Variants in NSG1 observed in about 807,000 individuals in gnomAD.
NSG1 encodes the protein neuronal vesicle trafficking associated 1.
A neutral mutation model predicts 19.3 loss-of-function variants in NSG1; 9 were observed. That is an observed-to-expected ratio of 0.47 (90% CI 0.28 to 0.81). The LOEUF (loss-of-function observed/expected upper bound fraction) is 0.81. Among genes scored for constraint, NSG1 ranks in the 40% least tolerant of loss-of-function variants. The pLI is 0.11. For synonymous variants in NSG1, 104 were observed against 107.0 expected, an observed-to-expected ratio of 0.97 and a Z score of 0.17; for missense variants, 236 against 242.4, an observed-to-expected ratio of 0.97 and a Z score of 0.18.
chr4:4,405,321 C>T (rs1199478162), intron 3 of NSG1, among the ~76,000 whole-genome samples: 1 of 152,204 alleles, frequency 6.6e-6, no homozygotes, highest in Non-Finnish European at 1.5e-5. Context: ...TTAGGGCCCA[C>T]CCTGATGGGC....
chr4:4,407,975 G>A (rs949212427), intron 3 of NSG1, among the ~76,000 whole-genome samples: 12 of 152,230 alleles, frequency 7.9e-5, no homozygotes, highest in East Asian at 1.9e-4. Flanking sequence ...GTGGCCGCCC[G>A]TCTCCCAGGT....
chr4:4,396,627 CTG>C (rs1560140867), intron 3 of NSG1, among the ~76,000 whole-genome samples: 1 of 152,172 alleles, frequency 6.6e-6, no homozygotes, highest in Non-Finnish European at 1.5e-5. Context: ...GCAGAGGACT[CTG>C]TGGGTGGTTT....
intron 2 of NSG1, among the ~76,000 whole-genome samples, chr4:4,389,564 G>A (rs1173494032): frequency 6.6e-6 from 1 of 152,144 alleles, no homozygotes; most frequent in African/African-American, 2.4e-5. Flanking sequence ...AGAAGTTTCT[G>A]GCAGTGCCTC....
At chr4:4,396,618 C>T (rs1052985184) in intron 3 of NSG1, among the ~76,000 whole-genome samples, 2 of 152,186 alleles carry the variant, frequency 1.3e-5, no homozygotes, top group African/African-American at 4.8e-5. Context: ...CATCCTGTCG[C>T]AGAGGACTCT....
rs142572077 is a variant in NSG1 at position 4,391,212 on chromosome 4, G to A, written c.130-263G>A. On this transcript the variant is annotated intron_variant, in intron 2 of 4. Coordinates refer to ENST00000621129, the MANE Select transcript of NSG1 (RefSeq NM_014392.5). ...ATCCCCGCCCTGCCGCCTATAAACC[G>A]CATGACCTTGGCCAATGAGCTTAAC... 5.7e-4 allele frequency among the ~76,000 whole-genome samples: 87 copies of A among 152,298 alleles called. No individual in the cohort carries two copies. In the East Asian group the frequency reaches 0.015, roughly 26 times the overall value.
chr4:4,401,418 C>T (rs759352460), intron 3 of NSG1, among the ~76,000 whole-genome samples: 50 of 152,118 alleles, frequency 3.3e-4, no homozygotes, highest in Non-Finnish European at 3.7e-4. Flanking sequence ...GCAGGGTGTG[C>T]GATGCTGCAG....
At chr4:4,389,931 A>G (rs562077922) in intron 2 of NSG1, among the ~76,000 whole-genome samples, 1 of 152,280 alleles carries the variant, frequency 6.6e-6, no homozygotes, top group East Asian at 1.9e-4. Context: ...GGTCACTACC[A>G]TGTTACCCCC....
At chr4:4,415,734 G>A (rs1724494710) in intron 4 of NSG1, 1 of 204,860 alleles carries the variant, frequency 4.9e-6, no homozygotes, top group South Asian at 7.8e-5. Flanking sequence ...CACTCCACAG[G>A]TGTTGGCCGC....
At chr4:4,410,539 C>T (rs1017719505) in intron 4 of NSG1, among the ~76,000 whole-genome samples, 1 of 152,198 alleles carries the variant, frequency 6.6e-6, no homozygotes, top group Non-Finnish European at 1.5e-5. Context: ...CAGCATGTTG[C>T]TATACTGAAC....
intron 4 of NSG1, among the ~76,000 whole-genome samples, chr4:4,412,338 G>A (rs971042945): frequency 1.3e-5 from 2 of 151,390 alleles, no homozygotes; most frequent in Non-Finnish European, 2.9e-5. Flanking sequence ...TGAGACTGGC[G>A]GCCACAATGG....
At chr4:4,409,175 T>A (rs533558149) in intron 3 of NSG1, among the ~76,000 whole-genome samples, 19 of 152,330 alleles carry the variant, frequency 1.2e-4, no homozygotes, top group Admixed American at 1.0e-3. Context: ...GCTGAGCGGA[T>A]GCTTGGCTGG....
Position 4,418,759 on chromosome 4 carries a change from A to C in NSG1, c.*1324A>C, listed in dbSNP as rs1185424093. On this transcript the variant is annotated 3_prime_UTR_variant, in exon 5 of 5. Transcript: ENST00000621129. ...TTGTTTCCTGAAATGTGCTTCTAAG[A>C]CAGAAAATGTATTTTCTCATCAAGG... 1 of 152,770 alleles carries C rather than the reference A, an allele frequency of 6.5e-6. No individual in the cohort carries two copies. The highest frequency in any genetic ancestry group is 1.9e-4 in the East Asian group (1 of 5,180). 9.5% of individuals were successfully genotyped at this position (152,770 alleles called of 1,614,324 possible).
chr4:4,387,544 TC>T (rs933357868), intron 1 of NSG1, 59 bp from the exon 2 acceptor site: 73 of 521,234 alleles, frequency 1.4e-4, no homozygotes, highest in Middle Eastern at 5.7e-4. Context: ...GGTGCCCACT[TC>T]CCCCCCGCCC....
chr4:4,418,503 T>C lies in NSG1; in HGVS notation c.*1068T>C, dbSNP rs1005775989. ...TCAACTCACAATCTTTGTAAGAAAA[T>C]TGTTCCAGTTTGAATCTTGATATTA... On this transcript the variant is annotated 3_prime_UTR_variant, in exon 5 of 5. Transcript: ENST00000621129. 1.3e-5 allele frequency: 2 copies of C among 152,588 alleles called. No individual in the cohort carries two copies. Among genetic ancestry groups the C allele is most frequent in the Non-Finnish European group, 2.9e-5 (2 of 68,034 alleles). The allele number at this position is 152,588 out of a possible 1,614,324, so 9.5% of individuals were successfully genotyped here. A position where few individuals can be genotyped will look rare whatever the true frequency, so the allele number is the denominator to read the frequency against.
intron 4 of NSG1, among the ~76,000 whole-genome samples, chr4:4,409,943 G>A (rs1724082421): frequency 6.6e-6 from 1 of 152,230 alleles, no homozygotes; most frequent in Non-Finnish European, 1.5e-5. Flanking sequence ...CCGGGGAAGG[G>A]CCCTCCTCGA....
chr4:4,413,923 G>C (rs761557664), intron 4 of NSG1, among the ~76,000 whole-genome samples: 23 of 152,206 alleles, frequency 1.5e-4, no homozygotes, highest in Non-Finnish European at 2.6e-4. Context: ...GCCTGGTGCA[G>C]AGCTAGTTAC....
Position 4,396,752 on chromosome 4 carries a change from C to A in NSG1, c.246+5161C>A, listed in dbSNP as rs533270558. Among the ~76,000 whole-genome samples the A allele has an allele frequency of 2.1e-5, 3 of 140,544 alleles. No individual in the cohort carries two copies. The South Asian group carries it at 6.7e-4, about 31-fold the overall frequency. The allele number at this position is 140,544 out of a possible 152,430, so 92.2% of individuals were successfully genotyped here. A position where few individuals can be genotyped will look rare whatever the true frequency, so the allele number is the denominator to read the frequency against. ...CTAATGACCTTGAGCTTCCTGCGTG[C>A]GCATCTGTTTCCACATTCTCCAGTA... On this transcript the variant is annotated intron_variant, in intron 3 of 4. Coordinates refer to ENST00000621129, the MANE Select transcript of NSG1 (RefSeq NM_014392.5).
chr4:4,390,552 T>TC (rs1238909914), intron 2 of NSG1, among the ~76,000 whole-genome samples: 8 of 152,142 alleles, frequency 5.3e-5, no homozygotes, highest in African/African-American at 1.9e-4. Context: ...AGGGGCCTCG[T>TC]CCCTCGGGGG....
chr4:4,409,772 C>T, intron 4 of NSG1, 89 bp downstream of exon 4: 1 of 1,039,204 alleles, frequency 9.6e-7, no homozygotes, highest in Non-Finnish European at 1.5e-6. Context: ...TGCCGTCTCC[C>T]CCAGCTGGCC....
Sources: allele counts gnomAD v4.1 joint callset (sites outside exome capture counted in the v4.1 genomes callset), GRCh38; gene constraint gnomAD v4.1.1; transcripts MANE v1.5; gene names NCBI Gene and HGNC (gene_info 2026-07-23, HGNC 2026-07-21).